Variants in ARHGEF3 observed in about 807,000 individuals in gnomAD.
ARHGEF3 encodes the protein 59.8 kDA protein.
Under a neutral mutation model 63.2 loss-of-function variants are expected in ARHGEF3, and 28 were observed. The observed-to-expected ratio is 0.44, with a 90% CI of 0.33 to 0.61. ARHGEF3 has a LOEUF of 0.61. ARHGEF3 is among the 20% of genes least tolerant of loss of function. The pLI is 0.03. For synonymous variants in ARHGEF3, 266 were observed against 254.2 expected (o/e 1.05, Z -0.44); for missense variants, 533 against 659.3 (o/e 0.81, Z 2.10).
intron 2 of ARHGEF3, among the ~76,000 whole-genome samples, chr3:57,024,298 T>TAAAAA (rs57220752): frequency 7.1e-6 from 1 of 141,656 alleles, no homozygotes; most frequent in Non-Finnish European, 1.5e-5. Flanking sequence ...GGAAAGATAT[T>TAAAAA]AAAAAAAAAA....
At chr3:56,855,675 T>C (rs2039847554) in intron 4 of ARHGEF3, among the ~76,000 whole-genome samples, 1 of 144,784 alleles carries the variant, frequency 6.9e-6, no homozygotes, top group Non-Finnish European at 1.5e-5. Flanking sequence ...AGTGAGACTG[T>C]CTCAAAAAAA....
At chr3:56,967,412 T>TATTATAC (rs1700572360) in intron 2 of ARHGEF3, among the ~76,000 whole-genome samples, 1 of 88,628 alleles carries the variant, frequency 1.1e-5, no homozygotes, top group East Asian at 3.2e-4. Context: ...ATATATTATA[T>TATTATAC]ATTATACATA....
chr3:56,822,887 G>A (rs2038570807), intron 4 of ARHGEF3, among the ~76,000 whole-genome samples: 1 of 150,054 alleles, frequency 6.7e-6, no homozygotes, highest in Admixed American at 6.6e-5. Flanking sequence ...TCAGAAGGAA[G>A]GTCTCCCAAT....
chr3:56,936,228 G>A (rs533050791), intron 3 of ARHGEF3, among the ~76,000 whole-genome samples: 2 of 152,224 alleles, frequency 1.3e-5, no homozygotes, highest in African/African-American at 4.8e-5. Context: ...GCCCAACAGT[G>A]CCACATACAA....
At chr3:56,791,664 C>T (rs1189074899) in intron 1 of ARHGEF3, among the ~76,000 whole-genome samples, 1 of 152,148 alleles carries the variant, frequency 6.6e-6, no homozygotes, top group Non-Finnish European at 1.5e-5. Context: ...AGAACCATGA[C>T]TGGCTTAAGC....
At chr3:56,892,976 T>C (rs2041174072) in intron 3 of ARHGEF3, among the ~76,000 whole-genome samples, 1 of 152,174 alleles carries the variant, frequency 6.6e-6, no homozygotes, top group Non-Finnish European at 1.5e-5. Context: ...AAAGCAGAGA[T>C]GAAAAATGGT....
At chr3:56,949,740 A>C (rs1470664542) in intron 3 of ARHGEF3, among the ~76,000 whole-genome samples, 4 of 152,038 alleles carry the variant, frequency 2.6e-5, no homozygotes, top group African/African-American at 4.8e-5. Flanking sequence ...CATCCCCATC[A>C]AGCTACCAAT....
At chr3:56,860,061 T>TAGATAGAC (rs2040020193) in intron 4 of ARHGEF3, among the ~76,000 whole-genome samples, 1 of 151,820 alleles carries the variant, frequency 6.6e-6, no homozygotes, top group African/African-American at 2.4e-5. Flanking sequence ...GATAGATAGA[T>TAGATAGAC]AGATAGATCG....
At chr3:56,762,151 A>G (rs2035456027) in intron 2 of ARHGEF3, among the ~76,000 whole-genome samples, 1 of 152,094 alleles carries the variant, frequency 6.6e-6, no homozygotes, top group South Asian at 2.1e-4. Context: ...GGGGTGAGAA[A>G]CGCCAGTCCA....
At chr3:57,004,287 G>T (rs943517650) in intron 2 of ARHGEF3, among the ~76,000 whole-genome samples, 3 of 152,232 alleles carry the variant, frequency 2.0e-5, no homozygotes, top group African/African-American at 7.2e-5. Context: ...TGTTTCAGTG[G>T]ATTCATTTTC....
intron 4 of ARHGEF3, among the ~76,000 whole-genome samples, chr3:56,818,415 G>T (rs1275056581): frequency 1.3e-5 from 2 of 152,132 alleles, no homozygotes; most frequent in Non-Finnish European, 2.9e-5. Flanking sequence ...TCTGGAGTGA[G>T]GGGGCTGGTG....
intron 3 of ARHGEF3, among the ~76,000 whole-genome samples, chr3:56,952,223 G>A (rs1490229280): frequency 6.6e-6 from 1 of 151,062 alleles, no homozygotes; most frequent in Non-Finnish European, 1.5e-5. Flanking sequence ...TGGATGTGGT[G>A]TGAGGGAGAT....
chr3:56,803,617 C>T (rs2037757073), upstream of ARHGEF3, among the ~76,000 whole-genome samples: 1 of 152,036 alleles, frequency 6.6e-6, no homozygotes, highest in African/African-American at 2.4e-5. Context: ...GCCTAAGCAA[C>T]ATAGCAAGAC....
intron 2 of ARHGEF3, among the ~76,000 whole-genome samples, chr3:56,986,556 T>C (rs1229973817): frequency 6.6e-6 from 1 of 151,904 alleles, no homozygotes; most frequent in African/African-American, 2.4e-5. Context: ...CTGGGGACGG[T>C]GCAGTTGGGA....
At chr3:56,767,438 G>A (rs2035764640) in intron 2 of ARHGEF3, among the ~76,000 whole-genome samples, 1 of 151,744 alleles carries the variant, frequency 6.6e-6, no homozygotes, top group African/African-American at 2.4e-5. Flanking sequence ...TAAAAAATTA[G>A]CCGGGCGTGG....
intron 3 of ARHGEF3, among the ~76,000 whole-genome samples, chr3:56,895,647 T>A (rs1188623004): frequency 2.0e-5 from 3 of 152,018 alleles, no homozygotes; most frequent in African/African-American, 7.2e-5. Flanking sequence ...GTATTTTTAG[T>A]AGAGATGGAG....
intron 2 of ARHGEF3, among the ~76,000 whole-genome samples, chr3:57,029,593 T>C (rs1195856610): frequency 2.0e-5 from 3 of 152,154 alleles, no homozygotes; most frequent in Non-Finnish European, 4.4e-5. Context: ...AGTGACACTT[T>C]ATAGGCTCTG....
intron 3 of ARHGEF3, among the ~76,000 whole-genome samples, chr3:56,935,003 C>T (rs2042520210): frequency 6.6e-6 from 1 of 152,216 alleles, no homozygotes; most frequent in African/African-American, 2.4e-5. Context: ...CACCCTGTGT[C>T]TAGCTCAGGG....
rs1399310886 is a variant in ARHGEF3, at chr3:57,035,135, T to C, written c.15A>G (p.Thr5=). The change falls in exon 2 of 13, where the codon ACA becomes ACG. Residue 5 remains threonine, a synonymous_variant. Transcript: ENST00000338458. ...CTCTACAGCTGCATTGATTCATTGC[T>C]GTGGAACTGTCCATAGACTCAGTAT... The C allele has an allele frequency of 1.9e-6, 3 of 1,548,716 alleles. No homozygotes were observed. In the South Asian group the frequency reaches 3.6e-5, roughly 19 times the overall value.
Sources: gnomAD v4.1 joint callset for allele counts (sites outside exome capture counted in the v4.1 genomes callset) on GRCh38, gnomAD v4.1.1 for gene constraint, MANE v1.5 for transcripts, NCBI Gene and HGNC (gene_info 2026-07-23, HGNC 2026-07-21) for gene names.